The following ALS2 variants were observed in gnomAD, a reference collection of about 807,000 sequenced individuals.
ALS2 encodes the protein alsin Rho guanine nucleotide exchange factor ALS2.
ALS2 carries 117 observed loss-of-function variants against 203.4 expected under a neutral mutation model. The ratio of observed to expected loss-of-function variants is 0.58; its 90% CI spans 0.50 to 0.67. ALS2 has a LOEUF of 0.67. Ranked by LOEUF, ALS2 falls within the 30% of genes least tolerant of loss-of-function variation. ALS2 has a pLI of 0.00. For missense variants in ALS2, 1,715 were observed against 1,989.4 expected, an observed-to-expected ratio of 0.86 and a Z score of 2.62; for synonymous variants, 718 against 725.9, an observed-to-expected ratio of 0.99 and a Z score of 0.17.
At chr2:201,764,673 AT>A (rs1693982227) in intron 3 of ALS2, among the ~76,000 whole-genome samples, 2 of 151,104 alleles carry the variant, frequency 1.3e-5, no homozygotes, top group South Asian at 4.2e-4. Context: ...AAATAAATAA[AT>A]AAATAAATAA....
intron 33 of ALS2, among the ~76,000 whole-genome samples, chr2:201,703,776 A>G (rs1014738310): frequency 2.0e-5 from 3 of 152,216 alleles, no homozygotes; most frequent in Admixed American, 6.5e-5. Flanking sequence ...ACCCTGTTCC[A>G]TTGAATAGCA....
chr2:201,719,912 C>T (rs1326276543), intron 23 of ALS2: 1 of 220,940 alleles, frequency 4.5e-6, no homozygotes, highest in African/African-American at 2.4e-5. Context: ...AAAACTGACT[C>T]AATAAGAAAT....
chr2:201,760,901 C>T lies in ALS2; in HGVS notation c.1093G>A (p.Glu365Lys). 1.9e-6 allele frequency: 3 copies of T among 1,613,580 alleles called. No homozygotes were observed. Among genetic ancestry groups the T allele is most frequent in the Non-Finnish European group, 2.5e-6 (3 of 1,179,546 alleles). The change falls in exon 4 of 34, where the codon GAA (glutamate) becomes AAA (lysine). Residue 365 changes from glutamate (E) to lysine (K), a missense_variant. By Grantham distance (56) the Glu-to-Lys change is moderately conservative. Around this residue, in one of 3 missense-constraint regions of ALS2, gnomAD observed 476 missense variants for 539.3 expected, o/e 0.88. Transcript: ENST00000264276. ...HSVREDSEHG[E>K]KPVPSQPLLE... ...GGTACCTGAGATGGCACTGGCTTTT[C>T]ACCATGCTCTGAGTCCTCTCTTACT...
intron 19 of ALS2, among the ~76,000 whole-genome samples, chr2:201,726,169 T>C (rs1691150799): frequency 6.6e-6 from 1 of 152,176 alleles, no homozygotes; most frequent in South Asian, 2.1e-4. Flanking sequence ...ACCATCTCAA[T>C]AGTCCCACCA....
intron 12 of ALS2, among the ~76,000 whole-genome samples, chr2:201,734,924 T>TAA (rs141444632): frequency 6.6e-6 from 1 of 151,958 alleles, no homozygotes; most frequent in Non-Finnish European, 1.5e-5. Flanking sequence ...ATTTTTAAAA[T>TAA]AAAAAAATAT....
chr2:201,757,896 CTAAAGGTAT>C, intron 4 of ALS2, 137 bp from the exon 5 acceptor site: 1 of 670,392 alleles, frequency 1.5e-6, no homozygotes, highest in East Asian at 2.7e-5. Flanking sequence ...TCATCTTCAA[CTAAAGGTAT>C]TCTCTTCTTG....
At chr2:201,711,642 G>A (rs779842370) in intron 25 of ALS2, among the ~76,000 whole-genome samples, 1 of 152,132 alleles carries the variant, frequency 6.6e-6, no homozygotes, top group African/African-American at 2.4e-5. Context: ...AGCACATAAC[G>A]GGTAAACAGA....
chr2:201,763,489 G>A (rs1051682868), intron 3 of ALS2: 45 of 282,126 alleles, frequency 1.6e-4, no homozygotes, highest in East Asian at 1.2e-3. Context: ...CCAAGTCTCC[G>A]TATCAGGAAT....
rs1055647163 is a variant in ALS2 at position 201,700,623 on chromosome 2, T to C, written c.*1228A>G. 6.6e-6 allele frequency: 1 copy of C among 152,650 alleles called. No homozygotes were observed. Among genetic ancestry groups the C allele is most frequent in the Non-Finnish European group, 1.5e-5 (1 of 68,030 alleles). The allele number at this position is 152,650 out of a possible 1,614,324, so 9.5% of individuals were successfully genotyped here. A position where few individuals can be genotyped will look rare whatever the true frequency, so the allele number is the denominator to read the frequency against. On this transcript the variant is annotated 3_prime_UTR_variant, in exon 34 of 34. Transcript: ENST00000264276. ...CCAACATTCCAAAACAGTATTTTAA[T>C]AAACACTTGTCTTGATTATAAAGTA... is the stretch of plus-strand genomic sequence containing the variant.
chr2:201,750,883 C>T (rs974761728), intron 7 of ALS2, among the ~76,000 whole-genome samples: 20 of 145,862 alleles, frequency 1.4e-4, no homozygotes, highest in African/African-American at 5.1e-4. Flanking sequence ...AGCAGAGTCT[C>T]GATCTTGTCA....
At chr2:201,721,688 GA>G (rs1690806870) in intron 23 of ALS2, among the ~76,000 whole-genome samples, 3 of 151,760 alleles carry the variant, frequency 2.0e-5, no homozygotes, top group South Asian at 4.1e-4. Flanking sequence ...TTTTTAGACG[GA>G]GTCTCGCTCT....
chr2:201,723,869 C>A lies in ALS2; in HGVS notation c.3512+426G>T, dbSNP rs562511086. Among the ~76,000 whole-genome samples, 17 of 152,312 alleles carry A rather than the reference C, an allele frequency of 1.1e-4. No homozygotes were observed. In the South Asian group the frequency reaches 2.5e-3, roughly 22 times the overall value. On this transcript the variant is annotated intron_variant, in intron 21 of 33. Transcript: ENST00000264276. ...CGGTGGCTCATGCCTATAATCCCAG[C>A]ACTTTGGGAGGCAAAGGCAGGTGGA...
chr2:201,713,133 C>CTTTTCT (rs1279654897), intron 25 of ALS2, among the ~76,000 whole-genome samples: 4,488 of 96,478 alleles, frequency 0.047, 105 homozygotes, highest in Admixed American at 0.059. Context: ...CTTTTCTTTT[C>CTTTTCT]TTTTTTTTTT....
chr2:201,733,059 T>C (rs1691673006), intron 13 of ALS2, among the ~76,000 whole-genome samples: 1 of 152,256 alleles, frequency 6.6e-6, no homozygotes, highest in Admixed American at 6.5e-5. Context: ...AGTTTATTCA[T>C]CTTGATAAGG....
intron 25 of ALS2, among the ~76,000 whole-genome samples, chr2:201,714,550 TCTTA>T (rs1690246380): frequency 6.6e-6 from 1 of 152,240 alleles, no homozygotes; most frequent in African/African-American, 2.4e-5. Flanking sequence ...GTTGCTGTAA[TCTTA>T]CTTGTGAGTA....
chr2:201,750,243 T>A (rs979334902), intron 7 of ALS2, among the ~76,000 whole-genome samples: 4 of 152,072 alleles, frequency 2.6e-5, no homozygotes, highest in Non-Finnish European at 5.9e-5. Flanking sequence ...TAACTAACAC[T>A]TTTCAGGTGC....
chr2:201,705,110 G>T, intron 31 of ALS2, 29 bp downstream of exon 31: 1 of 1,603,818 alleles, frequency 6.2e-7, no homozygotes, highest in Non-Finnish European at 8.5e-7. Context: ...ACTTTGATTT[G>T]TATGGCTTTT....
At chr2:201,780,478 T>G (rs1203898578) in intron 1 of ALS2, among the ~76,000 whole-genome samples, 1 of 152,188 alleles carries the variant, frequency 6.6e-6, no homozygotes, top group Non-Finnish European at 1.5e-5. Flanking sequence ...GACCCCAGTT[T>G]ATCAGCTCAG....
intron 29 of ALS2, among the ~76,000 whole-genome samples, 152 bp downstream of exon 29, chr2:201,706,691 GATT>G (rs1309635371): frequency 6.6e-6 from 1 of 151,366 alleles, no homozygotes; most frequent in Non-Finnish European, 1.5e-5. Context: ...CAGAAATAAA[GATT>G]ATTAACTATC....
Sources: gnomAD v4.1 joint callset for allele counts (sites outside exome capture counted in the v4.1 genomes callset) on GRCh38, gnomAD v4.1.1 for gene constraint, gnomAD v4.1.1 regional missense constraint, MANE v1.5 for transcripts, NCBI Gene and HGNC (gene_info 2026-07-23, HGNC 2026-07-21) for gene names.